CLNK: variants seen among roughly 807,000 people sequenced by gnomAD.
The protein encoded by CLNK is cytokine-dependent hematopoietic cell linker.
CLNK carries 74 observed loss-of-function variants against 68.6 expected under a neutral mutation model. That is an observed-to-expected ratio of 1.08 (90% CI 0.89 to 1.31). CLNK has a LOEUF of 1.31. Among genes scored for constraint, CLNK ranks in the 50% most tolerant of loss-of-function variants. CLNK has a pLI of 0.00. For missense variants in CLNK, 553 were observed against 515.3 expected (o/e 1.07, Z -0.71); for synonymous variants, 198 against 172.2 (o/e 1.15, Z -1.17).
chr4:10,713,112 A>C, the CLNK span, among the ~76,000 whole-genome samples: 1 of 152,182 alleles, frequency 6.6e-6, no homozygotes, highest in Admixed American at 6.5e-5. Flanking sequence ...CTCTGCTGCA[A>C]GAGCTGCTGA....
chr4:10,551,191 T>A (rs779507522), intron 8 of CLNK, among the ~76,000 whole-genome samples: 17 of 152,186 alleles, frequency 1.1e-4, no homozygotes, highest in Admixed American at 3.3e-4. Flanking sequence ...GGAGGACTTC[T>A]GTATTTGTTT....
At chr4:10,535,802 T>G (rs992938325) in intron 11 of CLNK, among the ~76,000 whole-genome samples, 1 of 152,202 alleles carries the variant, frequency 6.6e-6, no homozygotes, top group Non-Finnish European at 1.5e-5. Context: ...TTATAATAAT[T>G]ATATGTCTTT....
the CLNK span, among the ~76,000 whole-genome samples, chr4:10,709,502 G>A: frequency 6.6e-6 from 1 of 152,060 alleles, no homozygotes; most frequent in Non-Finnish European, 1.5e-5. Context: ...TCCTACTTCT[G>A]GTACTTTGGA....
intron 2 of CLNK, among the ~76,000 whole-genome samples, chr4:10,625,657 G>C (rs139922192): frequency 1.3e-5 from 2 of 152,260 alleles, no homozygotes; most frequent in East Asian, 3.9e-4. Flanking sequence ...CACAGAGAAA[G>C]AGAGACAGAG....
rs75831089 is a variant in CLNK at position 10,555,898 on chromosome 4, T to C, written c.445+2509A>G. On this transcript the variant is annotated intron_variant, in intron 8 of 18. Coordinates refer to ENST00000226951, the MANE Select transcript of CLNK (RefSeq NM_052964.4). ...CCTTCCAGCCTTGTTCTAGATATGG[T>C]ACCTTAGAGCTCTGGATGGTAATGG... is the stretch of plus-strand genomic sequence containing the variant. Among the ~76,000 whole-genome samples, 1,306 of 152,344 alleles carry C rather than the reference T, an allele frequency of 8.6e-3. 72 individuals carry two copies. Among genetic ancestry groups the C allele is most frequent in the Admixed American group, 0.077 (1,174 of 15,302 alleles).
chr4:10,627,674 G>C (rs1722727834), intron 2 of CLNK, among the ~76,000 whole-genome samples: 1 of 152,108 alleles, frequency 6.6e-6, no homozygotes. Context: ...TGCTGCTGCA[G>C]GGTGATTGCT....
intron 2 of CLNK, among the ~76,000 whole-genome samples, chr4:10,618,123 C>A (rs907664906): frequency 1.2e-4 from 18 of 152,066 alleles, no homozygotes; most frequent in Admixed American, 8.5e-4. Flanking sequence ...GGAAAACAAC[C>A]CAAATGCCTA....
At chr4:10,588,280 T>C (rs1216245661) in intron 3 of CLNK, among the ~76,000 whole-genome samples, 1 of 152,220 alleles carries the variant, frequency 6.6e-6, no homozygotes, top group Non-Finnish European at 1.5e-5. Context: ...AAATTAGGGT[T>C]CTTGTTATCT....
chr4:10,535,213 G>GAGAAAGAAAGAAATAAAGAA (rs1553847855), intron 11 of CLNK, among the ~76,000 whole-genome samples: 1 of 131,298 alleles, frequency 7.6e-6, no homozygotes, highest in Non-Finnish European at 1.6e-5. Context: ...AAGAAAGAAA[G>GAGAAAGAAAGAAATAAAGAA]AGAAAGAAAG....
the CLNK span, among the ~76,000 whole-genome samples, chr4:10,705,309 T>C: frequency 1.3e-5 from 2 of 152,238 alleles, no homozygotes; most frequent in African/African-American, 2.4e-5. Flanking sequence ...GGGGAAACAC[T>C]GGTTACACTT....
At chr4:10,676,775 A>T (rs1191405534) in intron 1 of CLNK, among the ~76,000 whole-genome samples, 1 of 150,954 alleles carries the variant, frequency 6.6e-6, no homozygotes, top group Admixed American at 6.6e-5. Flanking sequence ...TAGCTTTCTC[A>T]TGTTCCTTTC....
intron 4 of CLNK, among the ~76,000 whole-genome samples, chr4:10,582,519 TC>T (rs1455762486): frequency 6.6e-6 from 1 of 152,196 alleles, no homozygotes; most frequent in African/African-American, 2.4e-5. Context: ...AATAGGGCCA[TC>T]TTTTCCAGTT....
intron 7 of CLNK, among the ~76,000 whole-genome samples, chr4:10,559,392 T>G (rs902253466): frequency 6.6e-6 from 1 of 151,816 alleles, no homozygotes. Flanking sequence ...GTTGGATTAT[T>G]TTTTTTTATC....
chr4:10,671,407 G>C (rs993592300), intron 1 of CLNK, among the ~76,000 whole-genome samples: 1 of 151,746 alleles, frequency 6.6e-6, no homozygotes, highest in Non-Finnish European at 1.5e-5. Flanking sequence ...GAAGAAAGCA[G>C]AATTTGAGGC....
At chr4:10,679,148 G>A (rs977998863) in intron 1 of CLNK, among the ~76,000 whole-genome samples, 1 of 152,110 alleles carries the variant, frequency 6.6e-6, no homozygotes, top group Non-Finnish European at 1.5e-5. Context: ...AAACAGCATG[G>A]TACTGGTACC....
At chr4:10,579,277 A>G (rs965236582) in intron 4 of CLNK, among the ~76,000 whole-genome samples, 3 of 152,164 alleles carry the variant, frequency 2.0e-5, no homozygotes, top group Non-Finnish European at 4.4e-5. Flanking sequence ...AAAGGGAGAA[A>G]TCTACTTTCT....
At chr4:10,571,713 A>C in intron 5 of CLNK, 28 bp downstream of exon 5, 1 of 1,587,430 alleles carries the variant, frequency 6.3e-7, no homozygotes, top group Non-Finnish European at 8.6e-7. Context: ...AAGACGTATA[A>C]AATAGATAAG....
chr4:10,674,733 G>A (rs982419994), intron 1 of CLNK, among the ~76,000 whole-genome samples: 5 of 152,116 alleles, frequency 3.3e-5, no homozygotes, highest in Admixed American at 1.3e-4. Flanking sequence ...GCTTTGGGGC[G>A]GATGGTCTCA....
At chr4:10,603,689 G>A (rs569521264) in intron 2 of CLNK, among the ~76,000 whole-genome samples, 1 of 152,348 alleles carries the variant, frequency 6.6e-6, no homozygotes, top group South Asian at 2.1e-4. Context: ...CGGGGAATGA[G>A]GGCTCTTCTG....
Sources: allele counts gnomAD v4.1 joint callset (sites outside exome capture counted in the v4.1 genomes callset), GRCh38; gene constraint gnomAD v4.1.1; transcripts MANE v1.5; gene names NCBI Gene and HGNC (gene_info 2026-07-23, HGNC 2026-07-21).